PXYLP1: variants seen among roughly 807,000 people sequenced by gnomAD.
PXYLP1 encodes acid phosphatase-like 2.
PXYLP1 carries 17 observed loss-of-function variants against 37.9 expected under a neutral mutation model. The observed-to-expected ratio is 0.45, with a 90% CI of 0.31 to 0.67. The LOEUF is 0.67. PXYLP1 is among the 30% of genes least tolerant of loss of function. PXYLP1 has a pLI of 0.07. For missense variants in PXYLP1, 511 were observed against 612.0 expected, an observed-to-expected ratio of 0.84 and a Z score of 1.74; for synonymous variants, 221 against 232.2, an observed-to-expected ratio of 0.95 and a Z score of 0.44.
At chr3:141,279,285 A>C in intron 3 of PXYLP1, 93 bp from the exon 4 acceptor site, 1 of 1,513,480 alleles carries the variant, frequency 6.6e-7, no homozygotes, top group South Asian at 1.2e-5. Flanking sequence ...TCAGATTCCC[A>C]GCCCAAATGT....
intron 5 of PXYLP1, among the ~76,000 whole-genome samples, chr3:141,290,417 C>T (rs1404993516): frequency 1.3e-5 from 2 of 152,098 alleles, no homozygotes; most frequent in Non-Finnish European, 2.9e-5. Flanking sequence ...TAGTGCAGTG[C>T]CGGCATATGA....
Position 141,287,391 on chromosome 3 carries a change from T to G in PXYLP1, c.443T>G (p.Leu148Trp). The G allele has an allele frequency of 6.2e-7, 1 of 1,614,144 alleles. No individual in the cohort carries two copies. The highest frequency in any genetic ancestry group is 8.5e-7 in the Non-Finnish European group (1 of 1,180,004). The change falls in exon 5 of 6, where the codon TTG (leucine) becomes TGG (tryptophan). Residue 148 changes from leucine to tryptophan, a missense_variant. Physicochemically the swap from Leu to Trp is moderately conservative, Grantham distance 61 (BLOSUM62 -2). Coordinates refer to ENST00000286353, the MANE Select transcript of PXYLP1 (RefSeq NM_001037172.3). ...TCCGGAGCCTCTTTCGAAAGCCCCT[T>G]GAACTCCTTGCCTCTTTACCCAAAT... is the stretch of plus-strand genomic sequence containing the variant. ...KGSGASFESP[L>W]NSLPLYPNHP...
chr3:141,266,692 G>T, intron 2 of PXYLP1, among the ~76,000 whole-genome samples: 1 of 141,674 alleles, frequency 7.1e-6, no homozygotes, highest in South Asian at 2.5e-4. Context: ...GGAGAGATGA[G>T]GGGGAGAGAG....
chr3:141,236,524 GAC>G (rs1307899735), intron 1 of PXYLP1: 1 of 152,036 alleles, frequency 6.6e-6, no homozygotes, highest in Non-Finnish European at 1.5e-5. Context: ...GTTATTCAGA[GAC>G]ATGTGTCTTT....
At chr3:141,291,047 G>T (rs1258923288) in intron 5 of PXYLP1, among the ~76,000 whole-genome samples, 1 of 152,152 alleles carries the variant, frequency 6.6e-6, no homozygotes, top group East Asian at 1.9e-4. Context: ...GGGGAGTTCT[G>T]TTCTCAATAC....
chr3:141,280,989 T>G (rs1941940756), intron 4 of PXYLP1, among the ~76,000 whole-genome samples: 1 of 152,264 alleles, frequency 6.6e-6, no homozygotes, highest in African/African-American at 2.4e-5. Context: ...TGCCATGTGC[T>G]TTATAAGGAA....
intron 2 of PXYLP1, chr3:141,274,754 C>T: frequency 1.5e-6 from 1 of 668,388 alleles, no homozygotes; most frequent in African/African-American, 1.8e-5. Context: ...ATATACTATG[C>T]TGTGAGCCAT....
At position 141,293,169 on chromosome 3, in the gene PXYLP1, A is replaced by C; in HGVS notation, c.1407A>C (p.Thr469=). The C allele has an allele frequency of 6.2e-7, 1 of 1,614,010 alleles. No individual in the cohort carries two copies. The highest frequency in any genetic ancestry group is 8.5e-7 in the Non-Finnish European group (1 of 1,180,020). ...TTGTAGCCCTGGGTGGCAGTGGTAC[A>C]AATTATTATGATGCATGTCACAGGG... is the stretch of plus-strand genomic sequence containing the variant. The part of the protein sequence containing the change: ...DMFVALGGSG[T]NYYDACHREG... The change falls in exon 6 of 6, where the codon ACA becomes ACC. Residue 469 remains threonine, a synonymous_variant. Transcript: ENST00000286353.
chr3:141,245,897 G>A (rs536775227), intron 1 of PXYLP1, among the ~76,000 whole-genome samples: 3 of 152,320 alleles, frequency 2.0e-5, no homozygotes, highest in South Asian at 2.1e-4. Flanking sequence ...GTTGTTGTTT[G>A]GATAGAGAGA....
intron 1 of PXYLP1, among the ~76,000 whole-genome samples, chr3:141,249,226 A>G (rs1335637818): frequency 6.6e-6 from 1 of 152,180 alleles, no homozygotes; most frequent in Admixed American, 6.5e-5. Context: ...TCATAGAATC[A>G]CCTGCCAGTG....
At chr3:141,287,274 G>A in intron 4 of PXYLP1, 40 bp from the exon 5 acceptor site, 1 of 1,601,360 alleles carries the variant, frequency 6.2e-7, no homozygotes, top group Non-Finnish European at 8.5e-7. Flanking sequence ...GGATTCTTGT[G>A]GAGCACTCTG....
At chr3:141,251,754 G>C in intron 1 of PXYLP1, among the ~76,000 whole-genome samples, 1 of 152,150 alleles carries the variant, frequency 6.6e-6, no homozygotes, top group East Asian at 1.9e-4. Flanking sequence ...GTAAATGAAG[G>C]GGTTTGAACC....
intron 2 of PXYLP1, among the ~76,000 whole-genome samples, chr3:141,271,880 C>T (rs1316516696): frequency 6.6e-6 from 1 of 152,180 alleles, no homozygotes; most frequent in Admixed American, 6.5e-5. Context: ...CCCCACCGGG[C>T]CATGGGGTTG....
intron 1 of PXYLP1, among the ~76,000 whole-genome samples, chr3:141,255,519 C>T (rs1941244146): frequency 6.6e-6 from 1 of 152,220 alleles, no homozygotes; most frequent in Admixed American, 6.5e-5. Flanking sequence ...AGCACCTCAC[C>T]CTGCCGGTGA....
chr3:141,243,816 G>A (rs921680612), intron 1 of PXYLP1, among the ~76,000 whole-genome samples: 1 of 152,240 alleles, frequency 6.6e-6, no homozygotes, highest in Admixed American at 6.5e-5. Context: ...TGTGATGAGT[G>A]TTGAAAGAGG....
intron 1 of PXYLP1, among the ~76,000 whole-genome samples, chr3:141,238,528 A>C (rs1365499700): frequency 6.6e-6 from 1 of 152,226 alleles, no homozygotes; most frequent in Non-Finnish European, 1.5e-5. Context: ...CAGCAGTCAG[A>C]CTGGAAAACC....
rs765471056 is a variant in PXYLP1, at chr3:141,260,243, G to A, written c.68G>A (p.Ser23Asn). The A allele has an allele frequency of 6.2e-7, 1 of 1,612,876 alleles. No homozygotes were observed. Among genetic ancestry groups the A allele is most frequent in the Non-Finnish European group, 8.5e-7 (1 of 1,180,044 alleles). The change falls in exon 2 of 6, where the codon AGC becomes AAC. Residue 23 changes from serine (S) to asparagine (N), a missense_variant. Transcript: ENST00000286353. ...LAALLAFVSL[S>N]LQFFHLIPVS... is the part of the protein sequence containing the mutation. ...GCGCTGCTGGCCTTTGTGAGCCTCA[G>A]CCTGCAGTTCTGTGAGTAGAGCCGG...
intron 1 of PXYLP1, among the ~76,000 whole-genome samples, chr3:141,250,815 C>G (rs1941123705): frequency 6.6e-6 from 1 of 152,144 alleles, no homozygotes; most frequent in African/African-American, 2.4e-5. Context: ...AGCTGCTGTC[C>G]TAATACTATG....
intron 2 of PXYLP1, among the ~76,000 whole-genome samples, chr3:141,262,962 TTAAG>T (rs1482915726): frequency 1.3e-5 from 2 of 152,240 alleles, no homozygotes; most frequent in African/African-American, 2.4e-5. Context: ...TATAATTACT[TTAAG>T]TAACATATTT....
Sources: allele counts gnomAD v4.1 joint callset (sites outside exome capture counted in the v4.1 genomes callset), GRCh38; gene constraint gnomAD v4.1.1; transcripts MANE v1.5; gene names NCBI Gene and HGNC (gene_info 2026-07-23, HGNC 2026-07-21).